Variants in ZFAT observed in about 807,000 individuals in gnomAD.
ZFAT encodes zinc finger and AT-hook domain containing, also known as zinc finger protein ZFAT.
In ZFAT, 64 loss-of-function variants were observed where a neutral mutation model predicts 117.7. That is an observed-to-expected ratio of 0.54 (90% CI 0.44 to 0.67). ZFAT has a LOEUF of 0.67. ZFAT is among the 30% of genes least tolerant of loss of function. The probability of loss-of-function intolerance (pLI) is 0.00; values close to 1 mark genes in which losing one functional copy is unlikely to be tolerated. For missense variants in ZFAT, 1,433 were observed against 1,584.5 expected (o/e 0.90, Z 1.62); for synonymous variants, 679 against 615.0 (o/e 1.10, Z -1.54).
chr8:134,809,139 T>C, the ZFAT span, among the ~76,000 whole-genome samples: 2 of 152,208 alleles, frequency 1.3e-5, no homozygotes, highest in Non-Finnish European at 2.9e-5. Flanking sequence ...AGCATCATCA[T>C]ATACTCACAC....
At chr8:134,826,094 A>G in the ZFAT span, among the ~76,000 whole-genome samples, 1 of 152,168 alleles carries the variant, frequency 6.6e-6, no homozygotes, top group African/African-American at 2.4e-5. Context: ...AACCATTTCC[A>G]TATGATATTT....
In ZFAT at chr8:134,504,117, G is replaced by C. The variant is rs191375849; in HGVS notation, c.3492+5502C>G. ...ACTTGGACAAGACTGCATCAGGTAA[G>C]CTCTTGTACACAGGGGAGTGTCCTG... On this transcript the variant is annotated intron_variant, in intron 15 of 15. Transcript: ENST00000377838. 9.9e-5 allele frequency among the ~76,000 whole-genome samples: 15 copies of C among 152,276 alleles called. No homozygotes were observed. In the East Asian group the frequency reaches 2.9e-3, roughly 29 times the overall value.
the ZFAT span, among the ~76,000 whole-genome samples, chr8:134,803,438 C>T: frequency 3.0e-3 from 464 of 152,234 alleles, no homozygotes; most frequent in African/African-American, 0.011. Context: ...CAGAGGGCCA[C>T]AGAATATGCA....
rs1223695169 is a variant in ZFAT at position 134,631,770 on chromosome 8, G to A, written c.448+5691C>T. On this transcript the variant is annotated intron_variant, in intron 3 of 15. Transcript: ENST00000377838. ...TGGCAGCAAGCCACGCGCACTCAAA[G>A]GCCAAAGTCCTGATTCTGATACTGC... Among the ~76,000 whole-genome samples the A allele has an allele frequency of 1.3e-5, 2 of 152,206 alleles. 1 individual carries two copies. The highest frequency in any genetic ancestry group is 4.1e-4 in the South Asian group (2 of 4,826).
the ZFAT span, among the ~76,000 whole-genome samples, chr8:134,821,613 A>C: frequency 1.3e-5 from 2 of 152,136 alleles, no homozygotes; most frequent in Admixed American, 1.3e-4. Context: ...TAGAACAGTC[A>C]TTTTCAAATA....
intron 11 of ZFAT, among the ~76,000 whole-genome samples, chr8:134,534,775 A>AAGGGAGAGAG (rs1554640457): frequency 1.5e-4 from 20 of 136,442 alleles, no homozygotes; most frequent in African/African-American, 5.7e-4. Context: ...GAGAGGGAGA[A>AAGGGAGAGAG]AGAGAGAGAG....
intron 1 of ZFAT, among the ~76,000 whole-genome samples, chr8:134,659,534 C>T (rs1831824090): frequency 6.6e-6 from 1 of 152,218 alleles, no homozygotes; most frequent in Non-Finnish European, 1.5e-5. Context: ...GCTCCCACAT[C>T]CCTGTGTGAG....
At chr8:134,536,589 T>A (rs2130597184) in intron 11 of ZFAT, among the ~76,000 whole-genome samples, 1 of 152,208 alleles carries the variant, frequency 6.6e-6, no homozygotes, top group East Asian at 1.9e-4. Context: ...AGCAGGGAAT[T>A]CTCCTGGGGC....
At chr8:134,504,239 G>A (rs771375214) in intron 15 of ZFAT, among the ~76,000 whole-genome samples, 2 of 152,070 alleles carry the variant, frequency 1.3e-5, no homozygotes, top group African/African-American at 4.8e-5. Flanking sequence ...CCCCACCTCA[G>A]AGGCTGACAC....
At chr8:134,565,165 A>G (rs778817474) in intron 11 of ZFAT, 168 bp downstream of exon 11, 3 of 1,532,960 alleles carry the variant, frequency 2.0e-6, no homozygotes, top group Non-Finnish European at 2.6e-6. Flanking sequence ...GGAACGAGAG[A>G]GCACAAATAA....
chr8:134,544,154 C>T (rs11996160), intron 11 of ZFAT, among the ~76,000 whole-genome samples: 1,557 of 152,282 alleles, frequency 0.01, 38 homozygotes, highest in African/African-American at 0.036. Context: ...TGTCCCCCAA[C>T]ACCTGGTAAA....
chr8:134,641,677 G>A (rs1433815268), intron 2 of ZFAT, among the ~76,000 whole-genome samples: 2 of 152,220 alleles, frequency 1.3e-5, no homozygotes, highest in African/African-American at 4.8e-5. Context: ...GGAGCTGGAT[G>A]TGGAGTAGAT....
intron 3 of ZFAT, among the ~76,000 whole-genome samples, chr8:134,621,453 G>C (rs1206786229): frequency 6.6e-6 from 1 of 152,050 alleles, no homozygotes; most frequent in Admixed American, 6.5e-5. Flanking sequence ...TATGTACATG[G>C]CATGTGTTTT....
At chr8:134,768,096 G>A in the ZFAT span, among the ~76,000 whole-genome samples, 1 of 152,048 alleles carries the variant, frequency 6.6e-6, no homozygotes, top group Non-Finnish European at 1.5e-5. Flanking sequence ...TGGAGATACT[G>A]TTTTTTGTTT....
At chr8:134,709,637 T>G (rs1813912353) in intron 1 of ZFAT, among the ~76,000 whole-genome samples, 1 of 152,244 alleles carries the variant, frequency 6.6e-6, no homozygotes, top group African/African-American at 2.4e-5. Flanking sequence ...TTTCAGAGGC[T>G]GTATGCTTGA....
chr8:134,653,995 C>T (rs1255629476), intron 2 of ZFAT, among the ~76,000 whole-genome samples: 1 of 152,118 alleles, frequency 6.6e-6, no homozygotes, highest in African/African-American at 2.4e-5. Flanking sequence ...CTTTAATTTT[C>T]TTTTACAGCA....
At chr8:134,576,176 A>G (rs1825283856) in intron 10 of ZFAT, among the ~76,000 whole-genome samples, 1 of 152,246 alleles carries the variant, frequency 6.6e-6, no homozygotes, top group South Asian at 2.1e-4. Flanking sequence ...GCCTCATTAA[A>G]AAGTTAAATC....
Position 134,602,286 on chromosome 8 carries a change from T to G in ZFAT, c.1433A>C (p.Lys478Thr), listed in dbSNP as rs1219491536. The G allele has an allele frequency of 6.2e-7, 1 of 1,613,792 alleles. No homozygotes were observed. Among genetic ancestry groups the G allele is most frequent in the Non-Finnish European group, 8.5e-7 (1 of 1,180,038 alleles). The change falls in exon 6 of 16, where the codon AAA becomes ACA. Residue 478 changes from lysine to threonine, a missense_variant. Around this residue, in one of 5 missense-constraint regions of ZFAT, gnomAD observed 372 missense variants for 355.6 expected, o/e 1.05. Coordinates refer to ENST00000377838, the MANE Select transcript of ZFAT (RefSeq NM_020863.4). ...CTCCTGGGCAGCCCCGTGCACCTCT[T>G]TGATGTGGGTGCGCAGCCTGATGGA... ...VSSIRLRTHI[K>T]EVHGAAQEAL...
chr8:134,687,013 A>T (rs1038941074), intron 1 of ZFAT, among the ~76,000 whole-genome samples: 2 of 152,238 alleles, frequency 1.3e-5, no homozygotes, highest in Non-Finnish European at 2.9e-5. Context: ...CTTCAACCAA[A>T]GCAAGGGTGT....
Sources: allele counts gnomAD v4.1 joint callset (sites outside exome capture counted in the v4.1 genomes callset), GRCh38; gene constraint gnomAD v4.1.1; regional missense constraint gnomAD v4.1.1; transcripts MANE v1.5; gene names NCBI Gene and HGNC (gene_info 2026-07-23, HGNC 2026-07-21).